Variants in REL observed in about 807,000 individuals in gnomAD.
REL encodes the protein REL proto-oncogene, NF-kB subunit.
In REL, 15 loss-of-function variants were observed where a neutral mutation model predicts 45.9. The observed-to-expected ratio is 0.33, with a 90% CI of 0.22 to 0.50. The LOEUF (loss-of-function observed/expected upper bound fraction) is 0.50. Ranked by LOEUF, REL falls within the 20% of genes least tolerant of loss-of-function variation. REL has a pLI of 0.98. For missense variants in REL, 601 were observed against 715.2 expected (o/e 0.84, Z 1.82); for synonymous variants, 239 against 242.1 (o/e 0.99, Z 0.12).
chr2:60,922,338 T>C lies in REL; in HGVS notation c.1567T>C (p.Phe523Leu). 6.2e-7 allele frequency: 1 copy of C among 1,614,170 alleles called. No homozygotes were observed. The highest frequency in any genetic ancestry group is 8.5e-7 in the Non-Finnish European group (1 of 1,180,006). ...AGGCGCCAATTCCAATACTACTGTT[T>C]TTGTTTCACAATCAGATGCATTTGA... is the stretch of plus-strand genomic sequence containing the variant. Reference protein sequence around the residue: ...SAGANSNTTVFVSQSDAFEGS... With the variant: ...SAGANSNTTVLVSQSDAFEGS... Residue 523 changes from phenylalanine to leucine, a missense_variant, in exon 10 of 10, where the codon TTT (phenylalanine) becomes CTT (leucine). This residue lies in a region of REL where 334 missense variants were observed against 333.1 expected (regional missense o/e 1.00). Transcript: ENST00000394479.
intron 1 of REL, among the ~76,000 whole-genome samples, chr2:60,890,563 T>C (rs1310471785): frequency 6.6e-6 from 1 of 152,170 alleles, no homozygotes; most frequent in Middle Eastern, 3.2e-3. Context: ...ATGGAAAACA[T>C]CTTCACACCC....
At chr2:60,904,405 TAAA>T (rs34507093) in intron 4 of REL, among the ~76,000 whole-genome samples, 1 of 127,332 alleles carries the variant, frequency 7.9e-6, no homozygotes, top group Non-Finnish European at 1.7e-5. Context: ...CTGTCTCAAT[TAAA>T]AAAAAAAAAA....
At chr2:60,907,984 G>A (rs918140597) in intron 4 of REL, among the ~76,000 whole-genome samples, 1 of 151,860 alleles carries the variant, frequency 6.6e-6, no homozygotes, top group Non-Finnish European at 1.5e-5. Flanking sequence ...GAGCCACCAC[G>A]CCCCGCCTTA....
rs545499342 is a variant in REL at position 60,902,888 on chromosome 2, C to G, written c.394+1805C>G. 2.0e-5 allele frequency among the ~76,000 whole-genome samples: 3 copies of G among 152,170 alleles called. No homozygotes were observed. In the South Asian group the frequency reaches 6.2e-4, roughly 32 times the overall value. ...ACAGGCATGAGCCACTGCACCCGGTCTATTTAGTCTTCTATTAATGAACAT... is the reference window on the plus strand; with the variant it reads ...ACAGGCATGAGCCACTGCACCCGGTGTATTTAGTCTTCTATTAATGAACAT... On this transcript the variant is annotated intron_variant, in intron 4 of 9. Coordinates refer to ENST00000394479, the MANE Select transcript of REL (RefSeq NM_001291746.2).
chr2:60,885,957 A>G (rs1673061860), intron 1 of REL, among the ~76,000 whole-genome samples: 1 of 152,230 alleles, frequency 6.6e-6, no homozygotes, highest in Non-Finnish European at 1.5e-5. Context: ...TTGCATTTGA[A>G]TAAGGTTCTT....
chr2:60,888,738 T>C (rs1016240703), intron 1 of REL, among the ~76,000 whole-genome samples: 1 of 152,236 alleles, frequency 6.6e-6, no homozygotes, highest in Non-Finnish European at 1.5e-5. Flanking sequence ...AGTAATACTT[T>C]ATTCAGTAAC....
intron 1 of REL, among the ~76,000 whole-genome samples, chr2:60,884,083 T>G (rs1217329154): frequency 1.4e-5 from 2 of 147,096 alleles, no homozygotes; most frequent in African/African-American, 2.5e-5. Context: ...AACAGTAATT[T>G]AACCGGAAGA....
At chr2:60,916,836 A>G (rs191912447) in intron 4 of REL, 41 bp from the exon 5 acceptor site, 24 of 1,490,212 alleles carry the variant, frequency 1.6e-5, no homozygotes, top group South Asian at 2.3e-5. Flanking sequence ...CTTTAGGTCT[A>G]TGTGACTATT....
chr2:60,923,747 G>A lies in REL; in HGVS notation c.*1212G>A. ...CTCTACTATTAACGCCCTATTCCAA[G>A]CCACCATCATCTCTTCCCTGGATTG... On this transcript the variant is annotated 3_prime_UTR_variant, in exon 10 of 10. Transcript: ENST00000394479. 4.3e-6 allele frequency: 1 copy of A among 233,102 alleles called. No individual in the cohort carries two copies. The highest frequency in any genetic ancestry group is 6.0e-5 in the East Asian group (1 of 16,562). 14.4% of individuals were successfully genotyped at this position (233,102 alleles called of 1,614,324 possible).
Position 60,913,224 on chromosome 2 carries a change from A to G in REL, c.395-3653A>G, listed in dbSNP as rs536143591. Among the ~76,000 whole-genome samples, 14 of 152,024 alleles carry G rather than the reference A, an allele frequency of 9.2e-5. No individual in the cohort carries two copies. In the East Asian group the frequency reaches 2.7e-3, roughly 29 times the overall value. On this transcript the variant is annotated intron_variant, in intron 4 of 9. Transcript: ENST00000394479. ...TTTAAATTATATGTCTGAAAACTTC[A>G]TTATTTGGATCCTTTGTGGTATGTT...
At chr2:60,904,405 TAA>T (rs34507093) in intron 4 of REL, among the ~76,000 whole-genome samples, 79 of 127,246 alleles carry the variant, frequency 6.2e-4, no homozygotes, top group Middle Eastern at 3.9e-3. Context: ...CTGTCTCAAT[TAA>T]AAAAAAAAAA....
chr2:60,890,328 T>C (rs926200662), intron 1 of REL, among the ~76,000 whole-genome samples: 2 of 152,174 alleles, frequency 1.3e-5, no homozygotes, highest in Non-Finnish European at 2.9e-5. Context: ...GCTATTATGA[T>C]TATTCCTATT....
rs1393823579 is a variant in REL, at chr2:60,930,758, T to C, written c.*8223T>C. The C allele has an allele frequency of 3.9e-5, 6 of 152,330 alleles. No homozygotes were observed. Among genetic ancestry groups the C allele is most frequent in the Admixed American group, 1.3e-4 (2 of 15,282 alleles). 9.4% of individuals were successfully genotyped at this position (152,330 alleles called of 1,614,324 possible). On this transcript the variant is annotated 3_prime_UTR_variant, in exon 10 of 10. Transcript: ENST00000394479. ...TAGGAAAATACCACCAGCTAGTACT[T>C]ACCTATTTAAAGATGTAGAATTTAT... is the stretch of plus-strand genomic sequence containing the variant.
At chr2:60,906,563 C>T (rs192297538) in intron 4 of REL, among the ~76,000 whole-genome samples, 2 of 152,262 alleles carry the variant, frequency 1.3e-5, no homozygotes, top group African/African-American at 4.8e-5. Context: ...TTCTAGCTTT[C>T]ATTCTGTACC....
intron 1 of REL, among the ~76,000 whole-genome samples, chr2:60,889,668 T>C (rs894816732): frequency 1.3e-5 from 2 of 151,016 alleles, no homozygotes; most frequent in African/African-American, 4.9e-5. Flanking sequence ...CCTGTGTCCA[T>C]GTGTTCTCAT....
At chr2:60,915,963 A>C (rs1455664573) in intron 4 of REL, among the ~76,000 whole-genome samples, 1 of 152,234 alleles carries the variant, frequency 6.6e-6, no homozygotes, top group Non-Finnish European at 1.5e-5. Context: ...ATCCACATTT[A>C]GTAGATACTC....
intron 4 of REL, among the ~76,000 whole-genome samples, chr2:60,910,226 G>A (rs573137315): frequency 6.6e-6 from 1 of 152,188 alleles, no homozygotes; most frequent in East Asian, 1.9e-4. Context: ...AGCACTTTGG[G>A]AGGCTGAGGT....
At chr2:60,884,567 T>G (rs1252168147) in intron 1 of REL, among the ~76,000 whole-genome samples, 1 of 152,078 alleles carries the variant, frequency 6.6e-6, no homozygotes, top group African/African-American at 2.4e-5. Context: ...TGTATATTTA[T>G]TCTATTTAAT....
chr2:60,911,007 A>T (rs970932102), intron 4 of REL, among the ~76,000 whole-genome samples: 1 of 152,216 alleles, frequency 6.6e-6, no homozygotes, highest in East Asian at 1.9e-4. Flanking sequence ...ATAGAATGAT[A>T]TGTATCTATT....
Sources: allele counts gnomAD v4.1 joint callset (sites outside exome capture counted in the v4.1 genomes callset), GRCh38; gene constraint gnomAD v4.1.1; regional missense constraint gnomAD v4.1.1; transcripts MANE v1.5; gene names NCBI Gene and HGNC (gene_info 2026-07-23, HGNC 2026-07-21).